TLN2: variants seen among roughly 807,000 people sequenced by gnomAD.
The protein encoded by TLN2 is talin 2.
TLN2 carries 118 observed loss-of-function variants against 294.7 expected under a neutral mutation model. The observed-to-expected ratio is 0.40, with a 90% confidence interval of 0.34 to 0.47. The LOEUF is 0.47. Ranked by LOEUF, TLN2 falls within the 20% of genes least tolerant of loss-of-function variation. TLN2 has a pLI of 0.84. For missense variants in TLN2, 3,083 were observed against 3,282.2 expected, an observed-to-expected ratio of 0.94 and a Z score of 1.48; for synonymous variants, 1,431 against 1,304.5, an observed-to-expected ratio of 1.10 and a Z score of -2.09.
At chr15:62,712,462 A>G (rs1041341966) in intron 22 of TLN2, among the ~76,000 whole-genome samples, 3 of 152,220 alleles carry the variant, frequency 2.0e-5, no homozygotes, top group Non-Finnish European at 4.4e-5. Context: ...TGACTTCTCA[A>G]CTATTATCAA....
At chr15:62,641,970 G>A (rs1392619730) in intron 3 of TLN2, among the ~76,000 whole-genome samples, 1 of 152,214 alleles carries the variant, frequency 6.6e-6, no homozygotes, top group Non-Finnish European at 1.5e-5. Context: ...TGAGCAGCCT[G>A]CACTGCTGCC....
chr15:62,508,946 T>C (rs2039782789), intron 1 of TLN2, among the ~76,000 whole-genome samples: 1 of 152,248 alleles, frequency 6.6e-6, no homozygotes, highest in African/African-American at 2.4e-5. Flanking sequence ...TACATTTATG[T>C]GGATGAATTT....
rs2057321004 is a variant in TLN2 at position 62,686,707 on chromosome 15, C to T, written c.1024C>T (p.Arg342Cys). The T allele has an allele frequency of 5.0e-6, 8 of 1,613,792 alleles. No homozygotes were observed. Among genetic ancestry groups the T allele is most frequent in the African/African-American group, 1.3e-5 (1 of 74,884 alleles). The stretch of plus-strand genomic sequence containing the variant: ...GGGGATCACCAAAGACTCGGTGATG[C>T]GCGTGGATGAGAAGACCAAGGAAGT... ...LLGITKDSVM[R>C]VDEKTKEVLQ... Residue 342 changes from arginine to cysteine, a missense_variant, in exon 12 of 59, where the codon CGC (arginine) becomes TGC (cysteine). Physicochemically the swap from Arg to Cys is radical, Grantham distance 180. Transcript: ENST00000636159.
chr15:62,693,176 A>G (rs2058060042), intron 13 of TLN2, among the ~76,000 whole-genome samples: 1 of 152,158 alleles, frequency 6.6e-6, no homozygotes, highest in African/African-American at 2.4e-5. Flanking sequence ...CTAAAAATAC[A>G]AAAAAGTTAG....
chr15:62,586,433 G>A (rs554627881), intron 1 of TLN2, among the ~76,000 whole-genome samples: 3 of 152,284 alleles, frequency 2.0e-5, no homozygotes, highest in African/African-American at 4.8e-5. Flanking sequence ...TCTATAAAAA[G>A]ATTTGTGCAT....
chr15:62,422,956 G>A (rs975381367), intron 1 of TLN2, among the ~76,000 whole-genome samples: 2 of 152,202 alleles, frequency 1.3e-5, no homozygotes, highest in East Asian at 3.8e-4. Flanking sequence ...CAATCACTCA[G>A]ACAAGCCCAC....
chr15:62,691,852 T>A (rs566700248), intron 12 of TLN2, among the ~76,000 whole-genome samples: 19 of 151,604 alleles, frequency 1.3e-4, no homozygotes, highest in South Asian at 8.4e-4. Flanking sequence ...AAAAAAAAAA[T>A]TTATAGAGGT....
chr15:62,794,861 C>T (rs529420206), intron 46 of TLN2, among the ~76,000 whole-genome samples: 22 of 152,310 alleles, frequency 1.4e-4, no homozygotes, highest in African/African-American at 5.3e-4. Flanking sequence ...GACTCCCCTG[C>T]CCTGGTCAGC....
Position 62,742,024 on chromosome 15 carries a change from G to GTGTGTGTGTGT in TLN2, c.4025+1255_4025+1256insTGTGTGTGTGT, listed in dbSNP as rs1491242073. 1.7e-3 allele frequency among the ~76,000 whole-genome samples: 137 copies of GTGTGTGTGTGT among 82,274 alleles called. 7 individuals carry two copies. Among genetic ancestry groups the GTGTGTGTGTGT allele is most frequent in the South Asian group, 4.9e-3 (11 of 2,254 alleles). The allele number at this position is 82,274 out of a possible 152,430, so 54.0% of individuals were successfully genotyped here. A position where few individuals can be genotyped will look rare whatever the true frequency, so the allele number is the denominator to read the frequency against. ...CTTCCTCCCTCTTGGCTTGTAGTGG[G>GTGTGTGTGTGT]GTGTGTGTGTGTGTGTGTGTGTGTG... On this transcript the variant is annotated intron_variant, in intron 32 of 58. Transcript: ENST00000636159.
chr15:62,686,584 G>A (rs1050453013), intron 11 of TLN2, 57 bp from the exon 12 acceptor site: 3 of 1,552,080 alleles, frequency 1.9e-6, no homozygotes, highest in Non-Finnish European at 2.6e-6. Context: ...CTGATTCCCT[G>A]GCAAAGTCAG....
chr15:62,664,196 A>G (rs997535910), intron 9 of TLN2, among the ~76,000 whole-genome samples: 1 of 148,588 alleles, frequency 6.7e-6, no homozygotes, highest in African/African-American at 2.5e-5. Context: ...GCATACTCCA[A>G]GATCAGATTA....
At chr15:62,524,730 G>A (rs549868683) in intron 1 of TLN2, among the ~76,000 whole-genome samples, 1 of 152,220 alleles carries the variant, frequency 6.6e-6, no homozygotes, top group African/African-American at 2.4e-5. Flanking sequence ...GAATCAGTTG[G>A]GCTGCCTCAT....
chr15:62,582,155 A>G (rs1486830328), intron 1 of TLN2, among the ~76,000 whole-genome samples: 2 of 148,064 alleles, frequency 1.4e-5, no homozygotes, highest in Non-Finnish European at 3.0e-5. Context: ...GAGAATGATC[A>G]TAGAATCAGC....
chr15:62,754,034 T>C, intron 36 of TLN2, 118 bp downstream of exon 36: 1 of 1,311,238 alleles, frequency 7.6e-7, no homozygotes, highest in Non-Finnish European at 1.0e-6. Context: ...CAAAGGTAGC[T>C]AAATGCCAGC....
intron 41 of TLN2, among the ~76,000 whole-genome samples, chr15:62,770,371 A>G (rs1211227713): frequency 6.6e-6 from 1 of 152,234 alleles, no homozygotes; most frequent in Non-Finnish European, 1.5e-5. Context: ...TCCTGGAAAG[A>G]GGCCTGTGCG....
chr15:62,654,969 C>A (rs2053041638), intron 7 of TLN2, among the ~76,000 whole-genome samples: 1 of 151,868 alleles, frequency 6.6e-6, no homozygotes. Context: ...TTCCTCCTTT[C>A]ATTGTATTTG....
At chr15:62,427,414 AG>A (rs1439518482) in intron 1 of TLN2, among the ~76,000 whole-genome samples, 1 of 151,998 alleles carries the variant, frequency 6.6e-6, no homozygotes, top group Non-Finnish European at 1.5e-5. Context: ...CCCTATTCTG[AG>A]GTGTCCTCCA....
intron 1 of TLN2, among the ~76,000 whole-genome samples, chr15:62,567,433 G>A (rs2043497434): frequency 6.6e-6 from 1 of 152,200 alleles, no homozygotes; most frequent in African/African-American, 2.4e-5. Flanking sequence ...AGCTCTCTGT[G>A]TCATGAGGCA....
chr15:62,395,132 T>G (rs1282855320), intron 1 of TLN2, among the ~76,000 whole-genome samples: 1 of 149,818 alleles, frequency 6.7e-6, no homozygotes, highest in Non-Finnish European at 1.5e-5. Flanking sequence ...TACTTTATGC[T>G]GAGAAGACAT....
Sources: gnomAD v4.1 joint callset for allele counts (sites outside exome capture counted in the v4.1 genomes callset) on GRCh38, gnomAD v4.1.1 for gene constraint, MANE v1.5 for transcripts, NCBI Gene and HGNC (gene_info 2026-07-23, HGNC 2026-07-21) for gene names.